Variants in NRCAM observed in about 807,000 individuals in gnomAD.
The protein encoded by NRCAM is NgCAM-related cell adhesion molecule.
In NRCAM, 83 loss-of-function variants were observed where a neutral mutation model predicts 156.5. The observed-to-expected ratio is 0.53, with a 90% CI of 0.44 to 0.64. NRCAM has a LOEUF of 0.64. NRCAM is among the 30% of genes least tolerant of loss of function. The pLI, the probability that NRCAM is intolerant of heterozygous loss-of-function variation, is 0.00. For missense variants in NRCAM, 1,417 were observed against 1,597.3 expected, an observed-to-expected ratio of 0.89 and a Z score of 1.92; for synonymous variants, 538 against 563.9, an observed-to-expected ratio of 0.95 and a Z score of 0.65.
At chr7:108,199,649 C>T (rs1215527748) in intron 13 of NRCAM, among the ~76,000 whole-genome samples, 1 of 152,184 alleles carries the variant, frequency 6.6e-6, no homozygotes, top group East Asian at 1.9e-4. Context: ...CCATAGTCAC[C>T]TTTCTTTCCA....
rs1241275267 is a variant in NRCAM at position 108,155,902 on chromosome 7, A to AG, written c.3677+3560dup. ...TCTCTTTCCCTAAGAATAAATTTTT[A>AG]GGGAGTTCAAATTGTTTTTCAATAG... is the stretch of plus-strand genomic sequence containing the variant. On this transcript the variant is annotated intron_variant, in intron 32 of 32. Coordinates refer to ENST00000379028, the MANE Select transcript of NRCAM (RefSeq NM_001037132.4). 9.2e-5 allele frequency among the ~76,000 whole-genome samples: 14 copies of AG among 152,224 alleles called. 1 individual carries two copies. The South Asian group carries it at 2.3e-3, about 25-fold the overall frequency.
At chr7:108,331,124 C>T (rs1047838331) in intron 2 of NRCAM, among the ~76,000 whole-genome samples, 14 of 152,102 alleles carry the variant, frequency 9.2e-5, no homozygotes, top group Admixed American at 2.0e-4. Flanking sequence ...GCAGGCTGGG[C>T]GTAATGGCTC....
chr7:108,161,675 C>A (rs2049105737), intron 30 of NRCAM, among the ~76,000 whole-genome samples: 2 of 152,138 alleles, frequency 1.3e-5, no homozygotes, highest in South Asian at 2.1e-4. Flanking sequence ...ACGCATATCC[C>A]AGGTTCAGCT....
intron 1 of NRCAM, among the ~76,000 whole-genome samples, chr7:108,444,390 T>C (rs559329402): frequency 7.9e-5 from 12 of 151,250 alleles, no homozygotes; most frequent in South Asian, 6.3e-4. Context: ...TGGTAAGAAA[T>C]AGGTTTAGAA....
At chr7:108,229,391 T>C (rs752827687) in intron 8 of NRCAM, among the ~76,000 whole-genome samples, 3 of 152,204 alleles carry the variant, frequency 2.0e-5, no homozygotes, top group Non-Finnish European at 4.4e-5. Context: ...GCCTCTCGAT[T>C]AGCTGGGATT....
intron 6 of NRCAM, 127 bp from the exon 7 acceptor site, chr7:108,232,649 A>C: frequency 1.7e-6 from 1 of 580,754 alleles, no homozygotes; most frequent in Non-Finnish European, 2.9e-6. Flanking sequence ...TAAGAGAGCA[A>C]TAAGCCCTCA....
intron 1 of NRCAM, among the ~76,000 whole-genome samples, chr7:108,425,765 T>C (rs866275620): frequency 2.6e-5 from 4 of 152,184 alleles, no homozygotes; most frequent in Non-Finnish European, 4.4e-5. Flanking sequence ...TTGTTATTAT[T>C]ATCATGACAG....
intron 3 of NRCAM, among the ~76,000 whole-genome samples, chr7:108,246,818 T>C (rs2095965338): frequency 6.6e-6 from 1 of 152,244 alleles, no homozygotes; most frequent in African/African-American, 2.4e-5. Flanking sequence ...AGGTAGACTG[T>C]TGCATTGGTG....
intron 1 of NRCAM, among the ~76,000 whole-genome samples, chr7:108,410,428 T>A (rs1265255088): frequency 3.3e-5 from 5 of 152,298 alleles, no homozygotes; most frequent in Non-Finnish European, 5.9e-5. Context: ...AGAGTGCTCC[T>A]TAAATTTGAT....
intron 2 of NRCAM, among the ~76,000 whole-genome samples, chr7:108,362,798 A>T (rs1165344782): frequency 6.6e-6 from 1 of 152,224 alleles, no homozygotes; most frequent in Non-Finnish European, 1.5e-5. Flanking sequence ...ATGTGTATCT[A>T]CACAGGTTAT....
chr7:108,337,554 C>T (rs1284315629), intron 2 of NRCAM, among the ~76,000 whole-genome samples: 3 of 152,202 alleles, frequency 2.0e-5, no homozygotes, highest in Non-Finnish European at 2.9e-5. Context: ...TCCTGCATGG[C>T]TAAGTGCCCA....
chr7:108,204,264 T>A (rs2079804332), intron 13 of NRCAM, among the ~76,000 whole-genome samples: 2 of 151,440 alleles, frequency 1.3e-5, no homozygotes, highest in African/African-American at 4.9e-5. Flanking sequence ...TTATTTTGGA[T>A]CAGGGGAGAT....
chr7:108,162,821 A>G (rs2050082566), intron 30 of NRCAM, among the ~76,000 whole-genome samples: 1 of 152,262 alleles, frequency 6.6e-6, no homozygotes, highest in Admixed American at 6.5e-5. Context: ...ACACAAGTAC[A>G]CCAGAAATTG....
At chr7:108,197,538 T>A (rs1305389679) in intron 14 of NRCAM, among the ~76,000 whole-genome samples, 1 of 152,154 alleles carries the variant, frequency 6.6e-6, no homozygotes, top group Non-Finnish European at 1.5e-5. Flanking sequence ...TAAATGTACA[T>A]CTGTGACATG....
chr7:108,235,509 G>GT (rs927992729), intron 5 of NRCAM, among the ~76,000 whole-genome samples: 1 of 152,162 alleles, frequency 6.6e-6, no homozygotes, highest in Non-Finnish European at 1.5e-5. Flanking sequence ...TTTACAACCT[G>GT]TTTTTTCTTA....
chr7:108,216,515 T>G (rs981605042), intron 11 of NRCAM, among the ~76,000 whole-genome samples: 2 of 152,234 alleles, frequency 1.3e-5, no homozygotes, highest in Non-Finnish European at 2.9e-5. Flanking sequence ...GTTTTCCAAC[T>G]TGGTTCCATT....
intron 3 of NRCAM, among the ~76,000 whole-genome samples, chr7:108,241,578 G>C (rs764095432): frequency 3.9e-5 from 6 of 152,030 alleles, no homozygotes; most frequent in Non-Finnish European, 8.8e-5. Flanking sequence ...TAAACTGCAA[G>C]TCTCCTCAGG....
At chr7:108,354,345 C>A (rs1009236982) in intron 2 of NRCAM, among the ~76,000 whole-genome samples, 2 of 152,150 alleles carry the variant, frequency 1.3e-5, no homozygotes, top group African/African-American at 4.8e-5. Flanking sequence ...CAAAAACTTA[C>A]AGTAAACATC....
At chr7:108,151,886 C>T (rs534215622) in intron 32 of NRCAM, among the ~76,000 whole-genome samples, 7 of 152,278 alleles carry the variant, frequency 4.6e-5, no homozygotes, top group Admixed American at 3.9e-4. Flanking sequence ...TTATTCTGCT[C>T]TGTAGAACTA....
Sources: allele counts gnomAD v4.1 joint callset (sites outside exome capture counted in the v4.1 genomes callset), GRCh38; gene constraint gnomAD v4.1.1; transcripts MANE v1.5; gene names NCBI Gene and HGNC (gene_info 2026-07-23, HGNC 2026-07-21).